Variants in NOM1 observed in about 807,000 individuals in gnomAD.
The protein encoded by NOM1 is nucleolar protein with MIF4G domain 1.
NOM1 carries 58 observed loss-of-function variants against 73.3 expected under a neutral mutation model. The observed-to-expected ratio is 0.79, with a 90% confidence interval of 0.64 to 0.99. NOM1 has a LOEUF of 0.99. NOM1 is among the 50% of genes least tolerant of loss of function. The pLI, the probability that NOM1 is intolerant of heterozygous loss-of-function variation, is 0.00. For missense variants in NOM1, 1,226 were observed against 1,131.9 expected (o/e 1.08, Z -1.19); for synonymous variants, 487 against 446.8 (o/e 1.09, Z -1.14).
chr7:156,955,286 C>T (rs994067058), intron 3 of NOM1, among the ~76,000 whole-genome samples: 1 of 152,196 alleles, frequency 6.6e-6, no homozygotes, highest in African/African-American at 2.4e-5. Flanking sequence ...ACAGGAAAGT[C>T]ATAACACTCC....
intron 9 of NOM1, among the ~76,000 whole-genome samples, chr7:156,967,398 C>T (rs565584038): frequency 2.6e-5 from 4 of 152,146 alleles, no homozygotes; most frequent in African/African-American, 7.2e-5. Context: ...AGGAGAAGGG[C>T]GGATGAAGTA....
At chr7:156,968,860 C>T (rs1208238840) in intron 9 of NOM1, 9 of 470,788 alleles carry the variant, frequency 1.9e-5, no homozygotes, top group Admixed American at 7.6e-5. Flanking sequence ...TTGTTCTCAA[C>T]GGTGGCTGTG....
chr7:156,962,399 C>T (rs920713812), intron 5 of NOM1, 138 bp downstream of exon 5: 5 of 695,396 alleles, frequency 7.2e-6, no homozygotes, highest in Admixed American at 5.0e-5. Context: ...GCAGAGTGAA[C>T]GCGGCTCGGT....
chr7:156,964,086 A>T (rs1804937814), intron 7 of NOM1, 60 bp downstream of exon 7: 3 of 1,569,860 alleles, frequency 1.9e-6, no homozygotes, highest in Non-Finnish European at 2.6e-6. Flanking sequence ...AAGTAAGTTG[A>T]TTTGCTTTTT....
chr7:156,963,909 G>A lies in NOM1; in HGVS notation c.1916G>A (p.Ser639Asn), dbSNP rs752824373. ...GTCCATTCATCGTGCTTCCAGGTCA[G>A]TTCAAAGATCCTAGAACTCGCCCGG... is the stretch of plus-strand genomic sequence containing the variant. ...HLQKQLVGTV[S>N]SKILELARKQ... The change falls in exon 7 of 11, where the codon AGT becomes AAT. Residue 639 changes from serine (S) to asparagine (N), a missense_variant. Ser to Asn is a conservative substitution (Grantham distance 46, BLOSUM62 1). Transcript: ENST00000275820. The A allele has an allele frequency of 2.5e-6, 4 of 1,613,732 alleles. No individual in the cohort carries two copies. The highest frequency in any genetic ancestry group is 2.5e-6 in the Non-Finnish European group (3 of 1,179,778).
At chr7:156,968,283 G>T (rs1274634820) in intron 9 of NOM1, among the ~76,000 whole-genome samples, 6 of 152,162 alleles carry the variant, frequency 3.9e-5, no homozygotes, top group Admixed American at 6.5e-5. Flanking sequence ...AGCGGGAGAG[G>T]CGTGGCAGGA....
In NOM1 at chr7:156,972,995, A is replaced by T. The variant is rs909051259; in HGVS notation, c.*3292A>T. 1 of 152,242 alleles carries T rather than the reference A, an allele frequency of 6.6e-6. No homozygotes were observed. The highest frequency in any genetic ancestry group is 1.5e-5 in the Non-Finnish European group (1 of 68,044). 9.4% of individuals were successfully genotyped at this position (152,242 alleles called of 1,614,324 possible). On this transcript the variant is annotated 3_prime_UTR_variant, in exon 11 of 11. Coordinates refer to ENST00000275820, the MANE Select transcript of NOM1 (RefSeq NM_138400.2). ...CAGTGCAATTGAAAATACACTTAAA[A>T]TACTGCAGGATGCTTAGTGCTCAGT...
Position 156,952,580 on chromosome 7 carries a change from TAAA to T in NOM1, c.1096_1098del (p.Lys366del), listed in dbSNP as rs753471734. 6.2e-7 allele frequency: 1 copy of T among 1,613,942 alleles called. No individual in the cohort carries two copies. Among genetic ancestry groups the T allele is most frequent in the East Asian group, 2.2e-5 (1 of 44,882 alleles). ...GAACTAGAAAGGCTGAAGAAACATG[TAAA>T]AGGTCTACTTAACAGGTGACCTTGT... On this transcript the variant is annotated inframe_deletion, in exon 2 of 11. Coordinates refer to ENST00000275820, the MANE Select transcript of NOM1 (RefSeq NM_138400.2).
chr7:156,949,888 G>A lies in NOM1; in HGVS notation c.151G>A (p.Glu51Lys), dbSNP rs1163073970. The A allele has an allele frequency of 5.9e-6, 9 of 1,536,386 alleles. No individual in the cohort carries two copies. Among genetic ancestry groups the A allele is most frequent in the East Asian group, 4.9e-5 (2 of 40,784 alleles). The change falls in exon 1 of 11, where the codon GAG becomes AAG. Residue 51 changes from glutamate (E) to lysine (K), a missense_variant. Physicochemically the swap from Glu to Lys is moderately conservative, Grantham distance 56. Transcript: ENST00000275820. ...ALKRLKLAVE[E>K]FVHATSEGEA... ...GAAGAGGCTGAAGCTAGCGGTGGAG[G>A]AGTTCGTGCACGCGACTTCGGAAGG... is the stretch of plus-strand genomic sequence containing the variant.
At chr7:156,964,271 GGT>G in intron 7 of NOM1, 6 of 251,186 alleles carry the variant, frequency 2.4e-5, no homozygotes, top group South Asian at 2.0e-4. Context: ...GGGGGTTTGG[GGT>G]TTTTTTTTTT....
chr7:156,950,981 T>C (rs1159174863), intron 1 of NOM1, among the ~76,000 whole-genome samples: 2 of 152,230 alleles, frequency 1.3e-5, no homozygotes, highest in African/African-American at 4.8e-5. Flanking sequence ...TGCAGCATCT[T>C]CATTCTGTGT....
intron 9 of NOM1, among the ~76,000 whole-genome samples, chr7:156,967,938 C>T (rs1805041928): frequency 2.0e-5 from 3 of 151,538 alleles, no homozygotes; most frequent in Admixed American, 1.3e-4. Flanking sequence ...GCCTGGGGGG[C>T]AAAGGGAAGT....
rs1055732498 is a variant in NOM1, at chr7:156,971,021, C to T, written c.*1318C>T. The T allele has an allele frequency of 2.9e-4, 44 of 152,266 alleles. No individual in the cohort carries two copies. Among genetic ancestry groups the T allele is most frequent in the African/African-American group, 1.0e-3 (42 of 41,554 alleles). 9.4% of individuals were successfully genotyped at this position (152,266 alleles called of 1,614,324 possible). ...TTACTGCCTGCAAAGAATTAACATCCGTCTAGTGGGAGAAACAAACACACC... is the reference window on the plus strand; with the variant it reads ...TTACTGCCTGCAAAGAATTAACATCTGTCTAGTGGGAGAAACAAACACACC... On this transcript the variant is annotated 3_prime_UTR_variant, in exon 11 of 11. Coordinates refer to ENST00000275820, the MANE Select transcript of NOM1 (RefSeq NM_138400.2).
At chr7:156,962,406 C>T (rs906488337) in intron 5 of NOM1, 145 bp downstream of exon 5, 3 of 663,702 alleles carry the variant, frequency 4.5e-6, no homozygotes, top group East Asian at 2.7e-5. Context: ...GAACGCGGCT[C>T]GGTTTTCCTC....
At chr7:156,954,551 G>A (rs1222315811) in intron 3 of NOM1, among the ~76,000 whole-genome samples, 1 of 67,334 alleles carries the variant, frequency 1.5e-5, no homozygotes, top group Non-Finnish European at 2.9e-5. Context: ...TTGAGACAGG[G>A]TCTCGCTCTG....
chr7:156,952,079 C>T (rs111908303), intron 1 of NOM1, among the ~76,000 whole-genome samples: 1 of 152,154 alleles, frequency 6.6e-6, no homozygotes, highest in Non-Finnish European at 1.5e-5. Context: ...GACACTTTCC[C>T]TCCAAAATTA....
chr7:156,959,338 GTGATCC>G (rs1804806023), intron 3 of NOM1, among the ~76,000 whole-genome samples: 1 of 151,308 alleles, frequency 6.6e-6, no homozygotes, highest in Non-Finnish European at 1.5e-5. Flanking sequence ...TCCTGATCTT[GTGATCC>G]ACCCACCTCA....
At chr7:156,964,745 A>G (rs1274824827) in intron 7 of NOM1, among the ~76,000 whole-genome samples, 2 of 152,026 alleles carry the variant, frequency 1.3e-5, no homozygotes, top group Admixed American at 1.3e-4. Context: ...TATTTTCTAA[A>G]CTAGAGTTTC....
intron 3 of NOM1, among the ~76,000 whole-genome samples, chr7:156,956,129 T>C (rs1054509194): frequency 6.6e-6 from 1 of 151,222 alleles, no homozygotes; most frequent in South Asian, 2.1e-4. Flanking sequence ...GCAGGCGGAG[T>C]TTGCAGTGAG....
Sources: allele counts gnomAD v4.1 joint callset (sites outside exome capture counted in the v4.1 genomes callset), GRCh38; gene constraint gnomAD v4.1.1; transcripts MANE v1.5; gene names NCBI Gene and HGNC (gene_info 2026-07-23, HGNC 2026-07-21).